The following GALNT8 variants were observed in gnomAD, a reference collection of about 807,000 sequenced individuals.
The protein encoded by GALNT8 is polypeptide N-acetylgalactosaminyltransferase 8.
A neutral mutation model predicts 62.7 loss-of-function variants in GALNT8; 66 were observed. The ratio of observed to expected loss-of-function variants is 1.05; its 90% CI spans 0.86 to 1.29. GALNT8 has a LOEUF of 1.29. GALNT8 is among the 50% of genes most tolerant of loss of function. GALNT8 has a pLI of 0.00. For missense variants in GALNT8, 771 were observed against 791.8 expected, an observed-to-expected ratio of 0.97 and a Z score of 0.32; for synonymous variants, 288 against 294.3, an observed-to-expected ratio of 0.98 and a Z score of 0.22.
intron 2 of GALNT8, among the ~76,000 whole-genome samples, chr12:4,730,848 T>C (rs532519415): frequency 6.6e-6 from 1 of 151,828 alleles, no homozygotes; most frequent in Admixed American, 6.6e-5. Context: ...CCCCTGAACC[T>C]GAGATGATTT....
chr12:4,753,859 A>G (rs1946332710), intron 6 of GALNT8, among the ~76,000 whole-genome samples: 1 of 152,200 alleles, frequency 6.6e-6, no homozygotes, highest in Admixed American at 6.5e-5. Flanking sequence ...TCAAAAAGAC[A>G]TGGGTGTTAT....
chr12:4,758,776 CTTTTT>C (rs10612506), intron 6 of GALNT8, among the ~76,000 whole-genome samples: 2 of 146,992 alleles, frequency 1.4e-5, no homozygotes, highest in Middle Eastern at 3.2e-3. Context: ...AAACGGCAAT[CTTTTT>C]TTTTTTTTCT....
At position 4,772,462 on chromosome 12, in the gene GALNT8, CAG is replaced by C. The variant is rs759963947; in HGVS notation, c.1783_1784del (p.Asp595TyrfsTer14). On this transcript the variant is annotated frameshift_variant, in exon 11 of 11. Coordinates refer to ENST00000252318, the MANE Select transcript of GALNT8 (RefSeq NM_017417.2). LOFTEE classifies it low-confidence loss of function (END_TRUNC). ...DFKPGGAVIN[R>X]DTKRCLEMKK... ...CCCTCCAGGGAGGAGCTGTCATAAA[CAG>C]AGATACCAAGCGGTGTCTGGAGATG... is the stretch of plus-strand genomic sequence containing the variant. 9.9e-6 allele frequency: 16 copies of C among 1,613,740 alleles called. No homozygotes were observed. The South Asian group carries it at 1.4e-4, about 14-fold the overall frequency.
At chr12:4,737,752 G>A (rs181550186) in intron 2 of GALNT8, among the ~76,000 whole-genome samples, 1 of 152,294 alleles carries the variant, frequency 6.6e-6, no homozygotes, top group African/African-American at 2.4e-5. Context: ...CTCTTAGCAC[G>A]TCATTATCAT....
chr12:4,731,433 C>T (rs1290852148), intron 2 of GALNT8, among the ~76,000 whole-genome samples: 1 of 152,242 alleles, frequency 6.6e-6, no homozygotes, highest in Non-Finnish European at 1.5e-5. Context: ...CATCTGCAAA[C>T]AGGGACAATC....
chr12:4,722,463 C>T (rs890563614), intron 1 of GALNT8, among the ~76,000 whole-genome samples: 1 of 152,198 alleles, frequency 6.6e-6, no homozygotes, highest in Non-Finnish European at 1.5e-5. Context: ...GAAGTAGATG[C>T]AGAAGGTGAT....
At chr12:4,731,690 GA>G (rs1946222637) in intron 2 of GALNT8, among the ~76,000 whole-genome samples, 1 of 152,092 alleles carries the variant, frequency 6.6e-6, no homozygotes, top group Admixed American at 6.5e-5. Context: ...TTTTTATCAT[GA>G]AAAAATGTTG....
At chr12:4,742,896 G>A (rs543353184) in intron 3 of GALNT8, among the ~76,000 whole-genome samples, 20 of 152,264 alleles carry the variant, frequency 1.3e-4, no homozygotes, top group East Asian at 3.9e-4. Context: ...CCGTCGAGGC[G>A]TCCTTAATCT....
At chr12:4,763,472 C>T (rs1946382271) in intron 8 of GALNT8, 82 bp downstream of exon 8, 1 of 1,180,470 alleles carries the variant, frequency 8.5e-7, no homozygotes, top group Non-Finnish European at 1.2e-6. Flanking sequence ...GATTGCCTGT[C>T]CTGCCCAAGA....
At chr12:4,742,785 C>T (rs1188371250) in intron 3 of GALNT8, among the ~76,000 whole-genome samples, 2 of 152,064 alleles carry the variant, frequency 1.3e-5, no homozygotes, top group Non-Finnish European at 2.9e-5. Context: ...GTGAGGAATC[C>T]GGAAGCGCCC....
chr12:4,751,069 A>C (rs2137535452), intron 6 of GALNT8, among the ~76,000 whole-genome samples: 1 of 152,336 alleles, frequency 6.6e-6, no homozygotes, highest in East Asian at 1.9e-4. Context: ...ATAACTGGCT[A>C]GCCATATGCA....
In GALNT8 at chr12:4,720,837, G is replaced by C. The variant is rs187433578; in HGVS notation, c.160G>C (p.Gly54Arg). The C allele has an allele frequency of 6.2e-7, 1 of 1,611,166 alleles. No individual in the cohort carries two copies. The highest frequency in any genetic ancestry group is 8.5e-7 in the Non-Finnish European group (1 of 1,177,336). Reference protein sequence around the residue: ...ELPLHLNKRYGAVIKRLSHLE... With the variant: ...ELPLHLNKRYRAVIKRLSHLE... ...TCCTTTACATCTGAATAAACGCTAC[G>C]GGGCAGTGATAAAGAGACTCTCCCA... is the stretch of plus-strand genomic sequence containing the variant. The change falls in exon 1 of 11, where the codon GGG (glycine) becomes CGG (arginine). Residue 54 changes from glycine (G) to arginine (R), a missense_variant. Gly to Arg is a moderately radical substitution (Grantham distance 125). Transcript: ENST00000252318.
At chr12:4,730,678 T>G (rs1946217708) in intron 2 of GALNT8, among the ~76,000 whole-genome samples, 1 of 152,170 alleles carries the variant, frequency 6.6e-6, no homozygotes, top group Admixed American at 6.5e-5. Context: ...TGGCTAAAGA[T>G]TGCTTTGGCT....
chr12:4,758,857 A>C (rs182988281), intron 6 of GALNT8, among the ~76,000 whole-genome samples: 2 of 151,704 alleles, frequency 1.3e-5, no homozygotes, highest in African/African-American at 4.8e-5. Context: ...GCTCATTGCA[A>C]CCTCCACCTC....
intron 5 of GALNT8, among the ~76,000 whole-genome samples, 191 bp downstream of exon 5, chr12:4,745,817 G>T (rs1946296396): frequency 1.3e-5 from 2 of 152,088 alleles, no homozygotes; most frequent in South Asian, 2.1e-4. Context: ...CAGACACTTT[G>T]GGATATTTAG....
At chr12:4,736,322 AATC>A (rs1284335191) in intron 2 of GALNT8, among the ~76,000 whole-genome samples, 2 of 152,208 alleles carry the variant, frequency 1.3e-5, no homozygotes, top group African/African-American at 4.8e-5. Flanking sequence ...TTAAAAATAA[AATC>A]ATGCACATCC....
chr12:4,729,453 T>C (rs1329318345), intron 2 of GALNT8, among the ~76,000 whole-genome samples: 1 of 152,166 alleles, frequency 6.6e-6, no homozygotes, highest in Non-Finnish European at 1.5e-5. Context: ...CCCTGGCTCC[T>C]GGTAACCACC....
chr12:4,760,876 T>TA, intron 6 of GALNT8, 82 bp from the exon 7 acceptor site: 1 of 1,210,764 alleles, frequency 8.3e-7, no homozygotes, highest in Non-Finnish European at 1.2e-6. Context: ...AAAACGGCTC[T>TA]AAAATGTAGT....
At chr12:4,743,608 G>A (rs545648132) in intron 3 of GALNT8, among the ~76,000 whole-genome samples, 67 of 152,182 alleles carry the variant, frequency 4.4e-4, no homozygotes, top group Non-Finnish European at 7.4e-4. Flanking sequence ...CTTGAGACAC[G>A]GTGTTCTGGT....
Sources: gnomAD v4.1 joint callset for allele counts (sites outside exome capture counted in the v4.1 genomes callset) on GRCh38, gnomAD v4.1.1 for gene constraint, MANE v1.5 for transcripts, NCBI Gene and HGNC (gene_info 2026-07-23, HGNC 2026-07-21) for gene names.